Variants in RPSA2 observed in about 807,000 individuals in gnomAD.
The protein encoded by RPSA2 is ribosomal protein SA 2.
the RPSA2 span, among the ~76,000 whole-genome samples, chr19:23,806,028 TA>T: frequency 2.1e-5 from 3 of 141,696 alleles, no homozygotes; most frequent in East Asian, 2.1e-4. Flanking sequence ...TCTATCTATC[TA>T]TCTATCCTTC....
chr19:23,767,761 GTTTTTTTTTTT>G, the RPSA2 span, among the ~76,000 whole-genome samples: 5 of 73,104 alleles, frequency 6.8e-5, no homozygotes, highest in African/African-American at 2.7e-4. Flanking sequence ...TTCAATTTCA[GTTTTTTTTTTT>G]TTTTTTTTTT....
the RPSA2 span, among the ~76,000 whole-genome samples, chr19:23,864,193 G>A: frequency 1.3e-5 from 2 of 152,144 alleles, no homozygotes; most frequent in Admixed American, 1.3e-4. Context: ...CAAAGAATGG[G>A]CATATTACAG....
the RPSA2 span, among the ~76,000 whole-genome samples, chr19:23,805,476 T>C: frequency 6.6e-6 from 1 of 152,176 alleles, no homozygotes; most frequent in African/African-American, 2.4e-5. Flanking sequence ...GAGAAACTTA[T>C]AGTTCCTAAA....
At chr19:23,850,757 T>C in the RPSA2 span, among the ~76,000 whole-genome samples, 1 of 152,108 alleles carries the variant, frequency 6.6e-6, no homozygotes, top group Non-Finnish European at 1.5e-5. Context: ...TTTTTTTGCC[T>C]GTATAATGGC....
the RPSA2 span, among the ~76,000 whole-genome samples, chr19:23,833,945 A>G: frequency 6.6e-6 from 1 of 152,132 alleles, no homozygotes; most frequent in Non-Finnish European, 1.5e-5. Context: ...CTGCAAATAT[A>G]ATAAATTTGG....
the RPSA2 span, chr19:23,826,957 T>C: frequency 3.5e-6 from 2 of 566,950 alleles, no homozygotes; most frequent in South Asian, 2.0e-5. Context: ...CCCAAAGTGC[T>C]GGGATTACAG....
chr19:23,772,055 C>CA, the RPSA2 span, among the ~76,000 whole-genome samples: 1 of 152,044 alleles, frequency 6.6e-6, no homozygotes, highest in Non-Finnish European at 1.5e-5. Flanking sequence ...CTAGACCTAC[C>CA]ACCTATGGGA....
At chr19:23,862,761 TAA>T in the RPSA2 span, among the ~76,000 whole-genome samples, 10 of 148,484 alleles carry the variant, frequency 6.7e-5, no homozygotes, top group African/African-American at 1.5e-4. Context: ...AGTATAAGAA[TAA>T]AAAAAAAAAC....
chr19:23,827,683 G>A, the RPSA2 span: 21 of 1,594,900 alleles, frequency 1.3e-5, no homozygotes, highest in Middle Eastern at 3.4e-4. Context: ...TGGGTTTGAT[G>A]TGGTGGATGC....
chr19:23,828,379 C>G, the RPSA2 span, among the ~76,000 whole-genome samples: 20 of 143,324 alleles, frequency 1.4e-4, no homozygotes, highest in African/African-American at 4.9e-4. Context: ...TCTCTGTATA[C>G]TTTTGAGGTT....
chr19:23,851,153 C>CA, the RPSA2 span, among the ~76,000 whole-genome samples: 3 of 152,144 alleles, frequency 2.0e-5, no homozygotes, highest in African/African-American at 7.2e-5. Flanking sequence ...GAAACATGTA[C>CA]ATATGAAAAT....
the RPSA2 span, chr19:23,818,685 C>T: frequency 2.0e-5 from 3 of 152,268 alleles, no homozygotes; most frequent in Non-Finnish European, 4.4e-5. Context: ...TCCATCTGCC[C>T]ATGTGGCTGG....
At chr19:23,845,307 G>C in the RPSA2 span, among the ~76,000 whole-genome samples, 1 of 139,916 alleles carries the variant, frequency 7.1e-6, no homozygotes, top group Non-Finnish European at 1.6e-5. Context: ...TTGGAATTTT[G>C]TTTGTTACTA....
the RPSA2 span, among the ~76,000 whole-genome samples, chr19:23,806,068 G>A: frequency 4.4e-5 from 5 of 114,498 alleles, no homozygotes; most frequent in Admixed American, 9.8e-5. Flanking sequence ...TTTTTGAGAC[G>A]GAACCTCACT....
the RPSA2 span, among the ~76,000 whole-genome samples, chr19:23,778,788 T>C: frequency 0.98 from 148,718 of 152,046 alleles, 72,826 homozygotes; most frequent in Middle Eastern, 1. Context: ...TCACTTGGCC[T>C]AGCACTTATG....
chr19:23,786,031 A>T, the RPSA2 span, among the ~76,000 whole-genome samples: 1 of 152,200 alleles, frequency 6.6e-6, no homozygotes, highest in Admixed American at 6.5e-5. Context: ...CACAGTTAAA[A>T]TTGTGACTGT....
At chr19:23,870,385 C>T in the RPSA2 span, among the ~76,000 whole-genome samples, 2 of 60,484 alleles carry the variant, frequency 3.3e-5, no homozygotes, top group Non-Finnish European at 6.7e-5. Flanking sequence ...CTTACAGTTG[C>T]AACAGAAATT....
At chr19:23,804,224 T>G in the RPSA2 span, among the ~76,000 whole-genome samples, 1 of 152,176 alleles carries the variant, frequency 6.6e-6, no homozygotes, top group Non-Finnish European at 1.5e-5. Context: ...TTGTCTTCAT[T>G]TGTATCAAAA....
the RPSA2 span, among the ~76,000 whole-genome samples, chr19:23,855,404 G>A: frequency 3.3e-5 from 5 of 152,322 alleles, no homozygotes; most frequent in South Asian, 6.2e-4. Flanking sequence ...ACCATACTGA[G>A]TACAAGCATC....
Sources: allele counts gnomAD v4.1 joint callset (sites outside exome capture counted in the v4.1 genomes callset), GRCh38; gene constraint gnomAD v4.1.1; transcripts MANE v1.5; gene names NCBI Gene and HGNC (gene_info 2026-07-23, HGNC 2026-07-21).